ARSG: variants seen among roughly 807,000 people sequenced by gnomAD.
ARSG encodes the protein arylsulfatase G.
A neutral mutation model predicts 50.5 loss-of-function variants in ARSG; 37 were observed. That is an observed-to-expected ratio of 0.73 (90% CI 0.56 to 0.96). ARSG has a LOEUF of 0.96. ARSG is among the 50% of genes least tolerant of loss of function. The pLI is 0.00. For missense variants in ARSG, 629 were observed against 675.3 expected, an observed-to-expected ratio of 0.93 and a Z score of 0.76; for synonymous variants, 225 against 254.6, an observed-to-expected ratio of 0.88 and a Z score of 1.11.
chr17:68,323,590 C>T (rs543755660), intron 2 of ARSG, among the ~76,000 whole-genome samples: 1 of 152,272 alleles, frequency 6.6e-6, no homozygotes, highest in East Asian at 1.9e-4. Context: ...ATCATGGAAG[C>T]TGATGGAACC....
At chr17:68,403,883 G>A (rs534742702) in intron 11 of ARSG, among the ~76,000 whole-genome samples, 2 of 148,546 alleles carry the variant, frequency 1.3e-5, no homozygotes, top group African/African-American at 2.5e-5. Context: ...GACAGGCCCC[G>A]GTGTGTGATG....
At chr17:68,366,869 G>C (rs141587791) in intron 6 of ARSG, among the ~76,000 whole-genome samples, 236 of 152,180 alleles carry the variant, frequency 1.6e-3, no homozygotes, top group African/African-American at 5.4e-3. Context: ...AACTGAAACT[G>C]TACCCATGAA....
the ARSG span, among the ~76,000 whole-genome samples, chr17:68,429,400 G>A: frequency 2.0e-5 from 3 of 152,222 alleles, no homozygotes; most frequent in East Asian, 1.9e-4. Flanking sequence ...ATAGGAGTCC[G>A]AACCTAGAAA....
chr17:68,368,484 C>T (rs1004844509), intron 6 of ARSG, 64 bp from the exon 7 acceptor site: 4 of 1,499,050 alleles, frequency 2.7e-6, no homozygotes, highest in Non-Finnish European at 3.7e-6. Context: ...AGGGAGGATC[C>T]CTGAGGCACC....
At chr17:68,444,331 A>C in the ARSG span, among the ~76,000 whole-genome samples, 2 of 152,240 alleles carry the variant, frequency 1.3e-5, no homozygotes, top group Non-Finnish European at 1.5e-5. Context: ...GCCTGACATA[A>C]TTTGAATCTG....
At chr17:68,410,582 C>T (rs2081954805) in intron 11 of ARSG, among the ~76,000 whole-genome samples, 1 of 152,044 alleles carries the variant, frequency 6.6e-6, no homozygotes, top group Non-Finnish European at 1.5e-5. Context: ...GTCTAAAATT[C>T]TCTTTTTTGG....
chr17:68,428,710 G>T, the ARSG span: 2 of 760,782 alleles, frequency 2.6e-6, no homozygotes, highest in Non-Finnish European at 2.2e-6. Flanking sequence ...GTTTGCCACT[G>T]AGACTGCCAG....
chr17:68,269,608 T>G (rs2075265423), intron 1 of ARSG, among the ~76,000 whole-genome samples: 1 of 146,762 alleles, frequency 6.8e-6, no homozygotes. Context: ...GATGCATACT[T>G]CTTTGAAAAG....
chr17:68,265,723 T>C (rs1362120462), intron 1 of ARSG, among the ~76,000 whole-genome samples: 1 of 151,692 alleles, frequency 6.6e-6, no homozygotes, highest in Non-Finnish European at 1.5e-5. Flanking sequence ...TTTTTTTTTT[T>C]TTTCAGCCTG....
intron 1 of ARSG, among the ~76,000 whole-genome samples, chr17:68,260,349 T>TC (rs1215757012): frequency 6.6e-5 from 10 of 152,174 alleles, no homozygotes; most frequent in Non-Finnish European, 1.0e-4. Flanking sequence ...TAACCATTTT[T>TC]CCCCCGGGTT....
At chr17:68,382,317 T>C (rs1358251870) in intron 8 of ARSG, among the ~76,000 whole-genome samples, 3 of 152,192 alleles carry the variant, frequency 2.0e-5, no homozygotes, top group Admixed American at 2.0e-4. Flanking sequence ...TTTCCCCATC[T>C]GAAAGATGGG....
chr17:68,347,788 C>T (rs2078580956), intron 4 of ARSG, among the ~76,000 whole-genome samples: 1 of 152,222 alleles, frequency 6.6e-6, no homozygotes, highest in South Asian at 2.1e-4. Context: ...TGGACTTTCT[C>T]TTAAAGGCAT....
At chr17:68,412,406 C>T (rs1323371302) in intron 11 of ARSG, among the ~76,000 whole-genome samples, 1 of 152,094 alleles carries the variant, frequency 6.6e-6, no homozygotes, top group East Asian at 1.9e-4. Context: ...ATATGAAATT[C>T]TGGGTTGAAA....
rs566288073 is a variant in ARSG at position 68,382,481 on chromosome 17, T to G, written c.983-2583T>G. Among the ~76,000 whole-genome samples, 3 of 152,376 alleles carry G rather than the reference T, an allele frequency of 2.0e-5. No homozygotes were observed. In the East Asian group the frequency reaches 5.8e-4, roughly 29 times the overall value. On this transcript the variant is annotated intron_variant, in intron 8 of 11. Coordinates refer to ENST00000621439, the MANE Select transcript of ARSG (RefSeq NM_001267727.2). ...TGTTGTTATTACTATTATGTTTAACTTAGAATAACTATCCATTAGTGGGAG... is the reference window on the plus strand; with the variant it reads ...TGTTGTTATTACTATTATGTTTAACGTAGAATAACTATCCATTAGTGGGAG...
At chr17:68,421,637 G>A, downstream of ARSG, 2 of 1,257,272 alleles carry the variant, frequency 1.6e-6, no homozygotes, top group Non-Finnish European at 2.3e-6. Context: ...CAGGTCCTGT[G>A]GTTTAAGCAG....
chr17:68,336,708 C>T (rs1426294957), intron 2 of ARSG, among the ~76,000 whole-genome samples: 1 of 152,014 alleles, frequency 6.6e-6, no homozygotes, highest in Non-Finnish European at 1.5e-5. Flanking sequence ...TAAAAATTAG[C>T]TGAGCATGGT....
the ARSG span, among the ~76,000 whole-genome samples, chr17:68,433,760 G>GTTTTTTTTTTTTT: frequency 1.4e-4 from 10 of 72,822 alleles, 2 homozygotes; most frequent in African/African-American, 5.9e-4. Context: ...AAGGGTCATA[G>GTTTTTTTTTTTTT]TTTTTTTTTT....
chr17:68,265,241 C>A (rs2144866917), intron 1 of ARSG, among the ~76,000 whole-genome samples: 1 of 151,962 alleles, frequency 6.6e-6, no homozygotes, highest in African/African-American at 2.4e-5. Flanking sequence ...TGCCTGTAAT[C>A]CCAGCACTTT....
intron 2 of ARSG, among the ~76,000 whole-genome samples, chr17:68,313,814 A>C (rs2076963606): frequency 6.6e-6 from 1 of 151,500 alleles, no homozygotes; most frequent in Non-Finnish European, 1.5e-5. Flanking sequence ...GAGTAGCTGG[A>C]ATTACAGGCA....
Sources: gnomAD v4.1 joint callset for allele counts (sites outside exome capture counted in the v4.1 genomes callset) on GRCh38, gnomAD v4.1.1 for gene constraint, MANE v1.5 for transcripts, NCBI Gene and HGNC (gene_info 2026-07-23, HGNC 2026-07-21) for gene names.